The following SLC2A10 variants were observed in gnomAD, a reference collection of about 807,000 sequenced individuals.
SLC2A10 encodes the protein solute carrier family 2 member 10, also known as solute carrier family 2, facilitated glucose transporter member 10.
Under a neutral mutation model 32.1 loss-of-function variants are expected in SLC2A10, and 25 were observed. The ratio of observed to expected loss-of-function variants is 0.78; its 90% CI spans 0.57 to 1.09. The LOEUF (loss-of-function observed/expected upper bound fraction) is 1.09, where lower values mean the gene tolerates loss of function less well. SLC2A10 is among the 50% of genes least tolerant of loss of function. The probability of loss-of-function intolerance (pLI) is 0.00; values close to 1 mark genes in which losing one functional copy is unlikely to be tolerated. For synonymous variants in SLC2A10, 332 were observed against 309.6 expected, an observed-to-expected ratio of 1.07 and a Z score of -0.76; for missense variants, 673 against 686.5, an observed-to-expected ratio of 0.98 and a Z score of 0.22.
intron 1 of SLC2A10, among the ~76,000 whole-genome samples, chr20:46,715,246 G>A (rs7266228): frequency 6.6e-6 from 1 of 152,112 alleles, no homozygotes; most frequent in African/African-American, 2.4e-5. Context: ...TTGTTTGTTT[G>A]TTTGTTTGTT....
chr20:46,729,230 A>G (rs905781996), intron 3 of SLC2A10, 123 bp from the exon 4 acceptor site: 6 of 1,218,856 alleles, frequency 4.9e-6, no homozygotes, highest in Admixed American at 1.7e-5. Context: ...CAAATTGACC[A>G]ACGGGAACAT....
At chr20:46,710,424 C>A (rs1978843134) in intron 1 of SLC2A10, 1 of 175,842 alleles carries the variant, frequency 5.7e-6, no homozygotes, top group Non-Finnish European at 1.2e-5. Context: ...AGACAATAAA[C>A]CTCTCTCTCA....
At position 46,733,266 on chromosome 20, in the gene SLC2A10, C is replaced by T. The variant is rs535706083; in HGVS notation, c.1548-490C>T. Among the ~76,000 whole-genome samples, 160 of 152,174 alleles carry T rather than the reference C, an allele frequency of 1.1e-3. 2 individuals carry two copies. The highest frequency in any genetic ancestry group is 8.4e-3 in the Admixed American group (129 of 15,288). On this transcript the variant is annotated intron_variant, in intron 4 of 4. Transcript: ENST00000359271. ...AGGGCAGCCAGCACATCTTCCATGG[C>T]GGGAGCAGGGGGTGGTGCTGCACAC...
At chr20:46,715,172 A>G (rs894434235) in intron 1 of SLC2A10, among the ~76,000 whole-genome samples, 1 of 152,178 alleles carries the variant, frequency 6.6e-6, no homozygotes, top group Non-Finnish European at 1.5e-5. Flanking sequence ...AAGGAACATA[A>G]AGTCTTCACA....
Position 46,725,672 on chromosome 20 carries a change from G to T in SLC2A10, c.636G>T (p.Gly212=). Residue 212 remains glycine, a synonymous_variant, in exon 2 of 5, where the codon GGG becomes GGT. Transcript: ENST00000359271. ...QGGEAPKLGP[G]RPRYSFLDLF... ...GTGAGGCCCCCAAGCTGGGCCCGGG[G>T]AGGCCACGGTACTCCTTTCTGGACC... 6.2e-7 allele frequency: 1 copy of T among 1,614,022 alleles called. No individual in the cohort carries two copies. Among genetic ancestry groups the T allele is most frequent in the Non-Finnish European group, 8.5e-7 (1 of 1,179,946 alleles).
In SLC2A10 at chr20:46,734,550, C is replaced by G. The variant is rs1419558748; in HGVS notation, c.*716C>G. ...TCAGCCTCCCAGAGTGCTAGGATTA[C>G]AGGCCTTTTGACTCTTTTATCTGAG... On this transcript the variant is annotated 3_prime_UTR_variant, in exon 5 of 5. Transcript: ENST00000359271. The G allele has an allele frequency of 2.6e-5, 4 of 152,846 alleles. No homozygotes were observed. The highest frequency in any genetic ancestry group is 9.6e-5 in the African/African-American group (4 of 41,452). 9.5% of individuals were successfully genotyped at this position (152,846 alleles called of 1,614,324 possible).
intron 1 of SLC2A10, among the ~76,000 whole-genome samples, chr20:46,713,696 G>T (rs1979062971): frequency 6.6e-6 from 1 of 152,170 alleles, no homozygotes; most frequent in South Asian, 2.1e-4. Context: ...ATTAGTTTAG[G>T]TTCAGAGGTA....
At chr20:46,709,849 GC>G in intron 1 of SLC2A10, 109 bp downstream of exon 1, 4 of 1,348,790 alleles carry the variant, frequency 3.0e-6, no homozygotes, top group Non-Finnish European at 4.1e-6. Context: ...CCCCAGGGCC[GC>G]CCCGGCCGGA....
intron 1 of SLC2A10, among the ~76,000 whole-genome samples, chr20:46,711,029 C>T (rs181960988): frequency 1.5e-3 from 234 of 152,200 alleles, no homozygotes; most frequent in Middle Eastern, 6.8e-3. Flanking sequence ...TACACCACCA[C>T]GCCCAGCTAA....
Position 46,730,802 on chromosome 20 carries a change from A to G in SLC2A10, c.1547+1314A>G, listed in dbSNP as rs1193448436. ...GCTTCAGAAGGAACTTCAAAGTGCT[A>G]CAGTCCTAAGCATCCTTGGCAAATA... On this transcript the variant is annotated intron_variant, in intron 4 of 4. Coordinates refer to ENST00000359271, the MANE Select transcript of SLC2A10 (RefSeq NM_030777.4). 2.0e-5 allele frequency among the ~76,000 whole-genome samples: 3 copies of G among 152,246 alleles called. No individual in the cohort carries two copies. In the East Asian group the frequency reaches 5.8e-4, roughly 29 times the overall value.
intron 1 of SLC2A10, chr20:46,710,114 C>A (rs1005187171): frequency 4.4e-6 from 2 of 455,868 alleles, no homozygotes; most frequent in Non-Finnish European, 7.7e-6. Context: ...ATTCGCTGAG[C>A]GCGGTTGTGC....
chr20:46,724,661 G>A (rs1979749950), intron 1 of SLC2A10, among the ~76,000 whole-genome samples: 1 of 151,146 alleles, frequency 6.6e-6, no homozygotes, highest in African/African-American at 2.4e-5. Context: ...ATGGATGGAT[G>A]GATGGATGGA....
intron 2 of SLC2A10, among the ~76,000 whole-genome samples, chr20:46,726,638 A>ACTGGAAGGAATTTAATGAATAGCGT (rs1979981380): frequency 6.6e-6 from 1 of 152,208 alleles, no homozygotes; most frequent in South Asian, 2.1e-4. Flanking sequence ...AGTTCGTCCA[A>ACTGGAAGGAATTTAATGAATAGCGT]GACTGTTCCC....
chr20:46,709,251 C>A (rs997593015), upstream of SLC2A10, among the ~76,000 whole-genome samples: 2 of 149,154 alleles, frequency 1.3e-5, no homozygotes, highest in Admixed American at 6.7e-5. Flanking sequence ...GTGTCTCACT[C>A]GGTGTAGATG....
At chr20:46,726,574 G>A (rs533133815) in intron 2 of SLC2A10, among the ~76,000 whole-genome samples, 130 of 152,222 alleles carry the variant, frequency 8.5e-4, no homozygotes, top group African/African-American at 2.9e-3. Flanking sequence ...CTTAAAGCCC[G>A]GATAGCTCAC....
chr20:46,725,955 A>ATGGCCCTG lies in SLC2A10; in HGVS notation c.921_928dup (p.Ser310TrpfsTer8). On this transcript the variant is annotated frameshift_variant, in exon 2 of 5. Coordinates refer to ENST00000359271, the MANE Select transcript of SLC2A10 (RefSeq NM_030777.4). LOFTEE classifies it high-confidence loss of function. The stretch of plus-strand genomic sequence containing the variant: ...TCTGTTGCTAGCTGGCTGTGCCCTC[A>ATGGCCCTG]TGGCCCTGTCCGTCAGTGGCATAGG... The ATGGCCCTG allele has an allele frequency of 6.2e-7, 1 of 1,613,852 alleles. No individual in the cohort carries two copies. Among genetic ancestry groups the ATGGCCCTG allele is most frequent in the Non-Finnish European group, 8.5e-7 (1 of 1,180,010 alleles).
intron 4 of SLC2A10, 32 bp downstream of exon 4, chr20:46,729,520 G>A: frequency 6.2e-7 from 1 of 1,608,960 alleles, no homozygotes; most frequent in Non-Finnish European, 8.5e-7. Context: ...TCTGGGGGAA[G>A]AGCTGTAGCA....
rs372800860 is a variant in SLC2A10 at position 46,725,849 on chromosome 20, G to C, written c.813G>C (p.Leu271=). The C allele has an allele frequency of 1.9e-6, 3 of 1,614,262 alleles. No homozygotes were observed. The change falls in exon 2 of 5, where the codon CTG becomes CTC. Residue 271 remains leucine (L), a synonymous_variant. Transcript: ENST00000359271. ...VGFHGGSSAV[L]ASVGLGAVKV... ...TCCATGGGGGATCCTCAGCCGTGCT[G>C]GCCTCTGTGGGGCTTGGCGCAGTGA...
chr20:46,709,701 TCAGCGCCCC>T lies in SLC2A10; in HGVS notation c.-31_-23del. ...CGGCGGGGGATGCGCGCCCGGCCCC[TCAGCGCCCC>T]CAGCACGCCGCCGAGTCCCGCTCGC... On this transcript the variant is annotated 5_prime_UTR_variant, in exon 1 of 5. Transcript: ENST00000359271. 1 of 1,539,104 alleles carries T rather than the reference TCAGCGCCCC, an allele frequency of 6.5e-7. No individual in the cohort carries two copies. The highest frequency in any genetic ancestry group is 8.7e-7 in the Non-Finnish European group (1 of 1,143,142).
Sources: allele counts gnomAD v4.1 joint callset (sites outside exome capture counted in the v4.1 genomes callset), GRCh38; gene constraint gnomAD v4.1.1; transcripts MANE v1.5; gene names NCBI Gene and HGNC (gene_info 2026-07-23, HGNC 2026-07-21).